The following TACR3 variants were observed in gnomAD, a reference collection of about 807,000 sequenced individuals.
The protein encoded by TACR3 is tachykinin receptor 3, also known as neuromedin-K receptor.
A neutral mutation model predicts 35.0 loss-of-function variants in TACR3; 34 were observed. The ratio of observed to expected loss-of-function variants is 0.97; its 90% CI spans 0.74 to 1.30. The LOEUF is 1.30. Ranked by LOEUF, TACR3 falls within the 50% of genes most tolerant of loss-of-function variation. TACR3 has a pLI of 0.00. For missense variants in TACR3, 558 were observed against 591.7 expected, an observed-to-expected ratio of 0.94 and a Z score of 0.59; for synonymous variants, 233 against 221.1, an observed-to-expected ratio of 1.05 and a Z score of -0.48.
intron 3 of TACR3, among the ~76,000 whole-genome samples, chr4:103,597,166 G>A (rs1319492985): frequency 1.4e-5 from 2 of 142,428 alleles, no homozygotes; most frequent in African/African-American, 5.2e-5. Flanking sequence ...AGTTCCCTGA[G>A]GAATTGCCAC....
At chr4:103,629,423 A>T (rs912864622) in intron 3 of TACR3, among the ~76,000 whole-genome samples, 2 of 152,188 alleles carry the variant, frequency 1.3e-5, no homozygotes, top group Non-Finnish European at 1.5e-5. Flanking sequence ...CCTCAAGCTG[A>T]TAAGCAACTT....
chr4:103,718,916 T>C (rs1301196142), intron 1 of TACR3, among the ~76,000 whole-genome samples: 1 of 152,142 alleles, frequency 6.6e-6, no homozygotes, highest in African/African-American at 2.4e-5. Flanking sequence ...GCTCAATGAT[T>C]TAGAGCTTGA....
chr4:103,672,044 C>T (rs1726067210), intron 1 of TACR3, among the ~76,000 whole-genome samples: 2 of 152,170 alleles, frequency 1.3e-5, no homozygotes, highest in Admixed American at 6.5e-5. Flanking sequence ...GTATCTTGCC[C>T]AGAAGTAGAT....
At chr4:103,683,937 G>A (rs115753796) in intron 1 of TACR3, among the ~76,000 whole-genome samples, 369 of 151,700 alleles carry the variant, frequency 2.4e-3, no homozygotes, top group African/African-American at 8.4e-3. Context: ...ATTTGAGACC[G>A]GTTTTAATAT....
At chr4:103,604,982 C>G (rs1724319382) in intron 3 of TACR3, among the ~76,000 whole-genome samples, 1 of 118,796 alleles carries the variant, frequency 8.4e-6, no homozygotes, top group South Asian at 3.3e-4. Flanking sequence ...CCTCCCCCCT[C>G]CCCCCACCCC....
chr4:103,651,742 G>A (rs1466903774), intron 3 of TACR3, among the ~76,000 whole-genome samples: 5 of 151,974 alleles, frequency 3.3e-5, no homozygotes, highest in South Asian at 2.1e-4. Flanking sequence ...CAAGGCCCAT[G>A]GTGTACTACC....
chr4:103,614,976 G>A (rs1468104590), intron 3 of TACR3, among the ~76,000 whole-genome samples: 1 of 131,840 alleles, frequency 7.6e-6, no homozygotes, highest in Non-Finnish European at 1.5e-5. Context: ...CTCACTGCAA[G>A]CTCCGCCTCC....
At position 103,676,799 on chromosome 4, in the gene TACR3, C is replaced by T. The variant is rs761640880; in HGVS notation, c.549-18396G>A. Among the ~76,000 whole-genome samples, 55 of 151,982 alleles carry T rather than the reference C, an allele frequency of 3.6e-4. 2 individuals carry two copies. The highest frequency in any genetic ancestry group is 2.9e-3 in the Admixed American group (44 of 15,232). ...GGCAATACCATTCAAGACATAGGCA[C>T]GGGCAAAGATTTTATGACAAAGTTT... On this transcript the variant is annotated intron_variant, in intron 1 of 4. Coordinates refer to ENST00000304883, the MANE Select transcript of TACR3 (RefSeq NM_001059.3).
At chr4:103,663,804 G>A (rs1235578919) in intron 1 of TACR3, among the ~76,000 whole-genome samples, 1 of 152,328 alleles carries the variant, frequency 6.6e-6, no homozygotes, top group Non-Finnish European at 1.5e-5. Context: ...AATAATTTGC[G>A]TGGAGAGGAT....
At chr4:103,687,472 T>C (rs1370641864) in intron 1 of TACR3, among the ~76,000 whole-genome samples, 5 of 151,718 alleles carry the variant, frequency 3.3e-5, no homozygotes, top group East Asian at 1.9e-4. Context: ...TGTTTGCAGA[T>C]GACATGATTG....
intron 3 of TACR3, 101 bp from the exon 4 acceptor site, chr4:103,591,784 T>A: frequency 2.7e-6 from 3 of 1,127,336 alleles, no homozygotes; most frequent in Non-Finnish European, 3.9e-6. Flanking sequence ...TAAATACACA[T>A]CATGCCTAGG....
chr4:103,666,539 T>A (rs1019029397), intron 1 of TACR3, among the ~76,000 whole-genome samples: 1 of 152,192 alleles, frequency 6.6e-6, no homozygotes, highest in African/African-American at 2.4e-5. Flanking sequence ...AATGCATGAA[T>A]GCTTAGGTAC....
intron 1 of TACR3, among the ~76,000 whole-genome samples, chr4:103,663,910 T>C (rs1725884796): frequency 6.6e-6 from 1 of 152,238 alleles, no homozygotes; most frequent in Non-Finnish European, 1.5e-5. Flanking sequence ...GTCAGTGCTT[T>C]ATTGCTTTAA....
At chr4:103,640,072 C>T (rs565804661) in intron 3 of TACR3, among the ~76,000 whole-genome samples, 6 of 151,938 alleles carry the variant, frequency 3.9e-5, no homozygotes, top group African/African-American at 1.4e-4. Context: ...ATATATATTA[C>T]CTAGATTAAC....
At chr4:103,601,551 T>C (rs1724202063) in intron 3 of TACR3, among the ~76,000 whole-genome samples, 1 of 152,220 alleles carries the variant, frequency 6.6e-6, no homozygotes, top group Admixed American at 6.5e-5. Context: ...GTTTAGTGCT[T>C]CCTTCAGGAG....
chr4:103,678,341 A>C (rs974651851), intron 1 of TACR3, among the ~76,000 whole-genome samples: 9 of 152,124 alleles, frequency 5.9e-5, no homozygotes, highest in African/African-American at 2.2e-4. Flanking sequence ...AACAAGCATG[A>C]GGATTTCCAA....
chr4:103,690,365 CATTAATATTAGACAAA>C (rs1286319736), intron 1 of TACR3, among the ~76,000 whole-genome samples: 1 of 151,976 alleles, frequency 6.6e-6, no homozygotes, highest in Non-Finnish European at 1.5e-5. Context: ...GAAGTGGCAA[CATTAATATTAGACAAA>C]ATAGTCTTTA....
rs1441784275 is a variant in TACR3, at chr4:103,629,354, C to G, written c.888+26840G>C. Among the ~76,000 whole-genome samples the G allele has an allele frequency of 3.3e-5, 5 of 152,194 alleles. No individual in the cohort carries two copies. The East Asian group carries it at 9.7e-4, about 29-fold the overall frequency. ...AGGAAAAGAGGAAGCCAAATTGTCC[C>G]TGTTTTCAGATGACATGATTGTATA... On this transcript the variant is annotated intron_variant, in intron 3 of 4. Coordinates refer to ENST00000304883, the MANE Select transcript of TACR3 (RefSeq NM_001059.3).
intron 1 of TACR3, among the ~76,000 whole-genome samples, chr4:103,659,490 A>T (rs548095222): frequency 1.3e-5 from 2 of 152,294 alleles, no homozygotes; most frequent in African/African-American, 4.8e-5. Flanking sequence ...TGGTCCATAA[A>T]CCCATTTAAG....
Sources: allele counts gnomAD v4.1 joint callset (sites outside exome capture counted in the v4.1 genomes callset), GRCh38; gene constraint gnomAD v4.1.1; transcripts MANE v1.5; gene names NCBI Gene and HGNC (gene_info 2026-07-23, HGNC 2026-07-21).